AK9: variants seen among roughly 807,000 people sequenced by gnomAD.
The protein encoded by AK9 is adenylate kinase domain containing 1.
AK9 carries 191 observed loss-of-function variants against 239.6 expected under a neutral mutation model. The observed-to-expected ratio is 0.80, with a 90% confidence interval of 0.71 to 0.90. The LOEUF is 0.90. AK9 is among the 40% of genes least tolerant of loss of function. The probability of loss-of-function intolerance (pLI) is 0.00; values close to 1 mark genes in which losing one functional copy is unlikely to be tolerated. For synonymous variants in AK9, 689 were observed against 721.0 expected (o/e 0.96, Z 0.71); for missense variants, 1,995 against 2,214.7 (o/e 0.90, Z 1.99).
At chr6:109,680,869 G>A (rs2128351297) in intron 1 of AK9, among the ~76,000 whole-genome samples, 1 of 152,266 alleles carries the variant, frequency 6.6e-6, no homozygotes, top group Non-Finnish European at 1.5e-5. Flanking sequence ...CATAAGTGAA[G>A]GAGAAATAAA....
intron 1 of AK9, among the ~76,000 whole-genome samples, chr6:109,678,717 AC>A (rs1772139242): frequency 6.6e-6 from 1 of 152,150 alleles, no homozygotes; most frequent in Non-Finnish European, 1.5e-5. Flanking sequence ...CGAGATCAAC[AC>A]AGAAGGTGGG....
chr6:109,646,151 C>T (rs1364428772), intron 8 of AK9, among the ~76,000 whole-genome samples: 1 of 152,188 alleles, frequency 6.6e-6, no homozygotes, highest in Non-Finnish European at 1.5e-5. Flanking sequence ...CAGAGCAGAA[C>T]AGCTGAAAAT....
At chr6:109,602,119 T>G (rs1334631409) in intron 17 of AK9, among the ~76,000 whole-genome samples, 2 of 152,236 alleles carry the variant, frequency 1.3e-5, no homozygotes, top group African/African-American at 2.4e-5. Context: ...CCTGTCATTA[T>G]GATATTAGCT....
intron 27 of AK9, among the ~76,000 whole-genome samples, chr6:109,534,676 T>C (rs1781741302): frequency 6.6e-6 from 1 of 152,118 alleles, no homozygotes; most frequent in Non-Finnish European, 1.5e-5. Flanking sequence ...TATGTATACA[T>C]GTGCCATGTC....
At chr6:109,656,694 A>C in intron 8 of AK9, 62 bp downstream of exon 8, 1 of 1,484,218 alleles carries the variant, frequency 6.7e-7, no homozygotes, top group South Asian at 1.2e-5. Context: ...TGTGAAAGCT[A>C]CTTAACCAGT....
At chr6:109,569,451 G>T (rs371211267) in intron 21 of AK9, among the ~76,000 whole-genome samples, 2 of 151,990 alleles carry the variant, frequency 1.3e-5, no homozygotes, top group East Asian at 3.9e-4. Flanking sequence ...AACTAAGGAG[G>T]TTCTGCCCAG....
Position 109,656,852 on chromosome 6 carries a change from T to G in AK9, c.663A>C (p.Glu221Asp). 3 of 1,612,872 alleles carry G rather than the reference T, an allele frequency of 1.9e-6. No individual in the cohort carries two copies. The highest frequency in any genetic ancestry group is 2.5e-6 in the Non-Finnish European group (3 of 1,179,284). ...GCCTCTGAACTAGATGATGAAGAAT[T>G]TCAGCCACCATCTGCATTTCGGCAA... ...AFIAEMQMVA[E>D]ILHHLVQRPE... Residue 221 changes from glutamate to aspartate, a missense_variant, in exon 8 of 41, where the codon GAA becomes GAC. This residue lies in a region of AK9 where 17 missense variants were observed against 39.1 expected (regional missense o/e 0.43). Transcript: ENST00000424296.
At chr6:109,623,127 T>C (rs1795077253) in intron 12 of AK9, among the ~76,000 whole-genome samples, 1 of 152,200 alleles carries the variant, frequency 6.6e-6, no homozygotes, top group Non-Finnish European at 1.5e-5. Context: ...TTTTTTCCTA[T>C]TGAAGCTTTA....
chr6:109,654,074 G>A (rs1240346675), intron 8 of AK9, among the ~76,000 whole-genome samples: 3 of 151,940 alleles, frequency 2.0e-5, no homozygotes, highest in African/African-American at 4.8e-5. Flanking sequence ...CTCAAGGATG[G>A]CTCCCTTGTT....
intron 8 of AK9, among the ~76,000 whole-genome samples, chr6:109,647,415 CA>C (rs1262100732): frequency 6.6e-6 from 1 of 151,592 alleles, no homozygotes; most frequent in East Asian, 1.9e-4. Flanking sequence ...AAATGGAAAA[CA>C]AAAAAAGGCA....
intron 8 of AK9, among the ~76,000 whole-genome samples, chr6:109,654,087 C>T (rs1290776396): frequency 2.6e-5 from 4 of 151,998 alleles, no homozygotes; most frequent in South Asian, 2.1e-4. Context: ...CCCTTGTTTA[C>T]CTGCTTCCAT....
intron 8 of AK9, among the ~76,000 whole-genome samples, chr6:109,647,810 C>CACACT (rs201937027): frequency 0.047 from 7,118 of 151,868 alleles, 191 homozygotes; most frequent in South Asian, 0.09. Context: ...CACACCACAC[C>CACACT]TACTCCAAAA....
intron 18 of AK9, 69 bp from the exon 19 acceptor site, chr6:109,585,306 G>A (rs1282784020): frequency 3.6e-6 from 2 of 550,542 alleles, no homozygotes; most frequent in Non-Finnish European, 2.5e-6. Flanking sequence ...GTATTTTGAA[G>A]ATTAACACAA....
chr6:109,680,267 G>A (rs1219671587), intron 1 of AK9, among the ~76,000 whole-genome samples: 2 of 152,112 alleles, frequency 1.3e-5, no homozygotes, highest in Non-Finnish European at 2.9e-5. Context: ...TAAATGACCT[G>A]ACAGAGCTGA....
At position 109,690,524 on chromosome 6, in the gene AK9, G is replaced by T. The variant is rs558233599; in HGVS notation, c.-12+623C>A. 3.9e-5 allele frequency: 6 copies of T among 152,230 alleles called. No individual in the cohort carries two copies. In the East Asian group the frequency reaches 1.2e-3, roughly 30 times the overall value. The allele number at this position is 152,230 out of a possible 1,614,324, so 9.4% of individuals were successfully genotyped here. A position where few individuals can be genotyped will look rare whatever the true frequency, so the allele number is the denominator to read the frequency against. ...AAGCAACTGCCTCCAGGGACTCCGC[G>T]GGGCTGTCGGGCGGTTGCCGGGGAG... On this transcript the variant is annotated intron_variant, in intron 1 of 40. Coordinates refer to ENST00000424296, the MANE Select transcript of AK9 (RefSeq NM_001145128.3).
At chr6:109,530,957 C>T (rs1199599986) in intron 28 of AK9, among the ~76,000 whole-genome samples, 2 of 151,982 alleles carry the variant, frequency 1.3e-5, no homozygotes, top group Non-Finnish European at 1.5e-5. Context: ...GCAGGAGAAT[C>T]GCTTGAACCC....
At position 109,506,642 on chromosome 6, in the gene AK9, C is replaced by G; in HGVS notation, c.4628+12G>C. On this transcript the variant is annotated intron_variant, in intron 34 of 40. Transcript: ENST00000424296. ...TTTATTCCTTTTTTGTTGTCTTCAT[C>G]ATGTACATTACCTTTGTTCATTTTC... 5 of 1,534,552 alleles carry G rather than the reference C, an allele frequency of 3.3e-6. No homozygotes were observed. The highest frequency in any genetic ancestry group is 4.4e-6 in the Non-Finnish European group (5 of 1,135,442).
chr6:109,613,916 G>T (rs1221885975), intron 15 of AK9, among the ~76,000 whole-genome samples: 2 of 151,982 alleles, frequency 1.3e-5, no homozygotes, highest in Non-Finnish European at 1.5e-5. Context: ...ATATGATAAT[G>T]ATTTTATAAC....
At chr6:109,621,913 CAAAAAAAAAACAG>C (rs1369890825) in intron 12 of AK9, among the ~76,000 whole-genome samples, 2 of 70,298 alleles carry the variant, frequency 2.8e-5, no homozygotes, top group Non-Finnish European at 5.3e-5. Context: ...AAAAAAAAAA[CAAAAAAAAAACAG>C]AAAGAGAAAT....
Sources: allele counts gnomAD v4.1 joint callset (sites outside exome capture counted in the v4.1 genomes callset), GRCh38; gene constraint gnomAD v4.1.1; regional missense constraint gnomAD v4.1.1; transcripts MANE v1.5; gene names NCBI Gene and HGNC (gene_info 2026-07-23, HGNC 2026-07-21).